CACNA1D: variants seen among roughly 807,000 people sequenced by gnomAD.
CACNA1D encodes the protein voltage-dependent L-type calcium channel subunit alpha-1D.
In CACNA1D, 55 loss-of-function variants were observed where a neutral mutation model predicts 257.1. The ratio of observed to expected loss-of-function variants is 0.21; its 90% CI spans 0.17 to 0.27. The LOEUF (loss-of-function observed/expected upper bound fraction) is 0.27. Ranked by LOEUF, CACNA1D falls within the 10% of genes least tolerant of loss-of-function variation. CACNA1D has a pLI of 1.00. For synonymous variants in CACNA1D, 980 were observed against 1,014.9 expected (o/e 0.97, Z 0.65); for missense variants, 1,876 against 2,784.0 (o/e 0.67, Z 7.34).
intron 3 of CACNA1D, among the ~76,000 whole-genome samples, chr3:53,617,138 C>T (rs1378907046): frequency 6.6e-6 from 1 of 152,284 alleles, no homozygotes; most frequent in East Asian, 1.9e-4. Flanking sequence ...GCAGGACCAA[C>T]CATTCATAGC....
At chr3:53,574,221 TCA>T (rs796645919) in intron 3 of CACNA1D, among the ~76,000 whole-genome samples, 37 of 152,296 alleles carry the variant, frequency 2.4e-4, no homozygotes, top group African/African-American at 8.9e-4. Context: ...ACACACCTGC[TCA>T]CACAGGCACC....
intron 30 of CACNA1D, among the ~76,000 whole-genome samples, chr3:53,764,558 C>G (rs1195071324): frequency 6.6e-6 from 1 of 152,226 alleles, no homozygotes; most frequent in Non-Finnish European, 1.5e-5. Flanking sequence ...ACCCAGCTTT[C>G]TCACGCCTGA....
intron 2 of CACNA1D, 118 bp downstream of exon 2, chr3:53,497,579 T>G (rs948513673): frequency 9.4e-7 from 1 of 1,059,802 alleles, no homozygotes; most frequent in African/African-American, 1.6e-5. Context: ...GTAACAGAAG[T>G]TGTATATAAG....
chr3:53,531,789 A>T (rs543200521), intron 3 of CACNA1D, among the ~76,000 whole-genome samples: 2 of 152,256 alleles, frequency 1.3e-5, no homozygotes, highest in South Asian at 4.1e-4. Context: ...AGAGTCAGAC[A>T]TGCCCATGAC....
chr3:53,782,399 C>T (rs2095431113), intron 39 of CACNA1D: 1 of 151,604 alleles, frequency 6.6e-6, no homozygotes, highest in Non-Finnish European at 1.5e-5. Context: ...GATCTGTTCA[C>T]CCAGTGCCAC....
chr3:53,798,414 G>A (rs1261481733), intron 40 of CACNA1D, among the ~76,000 whole-genome samples: 3 of 152,178 alleles, frequency 2.0e-5, no homozygotes, highest in African/African-American at 4.8e-5. Context: ...CATGCATCCT[G>A]AGCCTGTGAT....
chr3:53,508,449 T>C (rs958925386), intron 3 of CACNA1D, among the ~76,000 whole-genome samples: 20 of 152,150 alleles, frequency 1.3e-4, no homozygotes, highest in Admixed American at 1.2e-3. Context: ...TACCCAATAG[T>C]TATCTTTTCT....
intron 8 of CACNA1D, among the ~76,000 whole-genome samples, chr3:53,697,710 T>G (rs2094584954): frequency 6.6e-6 from 1 of 152,240 alleles, no homozygotes; most frequent in African/African-American, 2.4e-5. Context: ...ATAAGACATG[T>G]GGACTGATTT....
At chr3:53,574,209 G>A (rs905763748) in intron 3 of CACNA1D, among the ~76,000 whole-genome samples, 1 of 152,144 alleles carries the variant, frequency 6.6e-6, no homozygotes, top group African/African-American at 2.4e-5. Flanking sequence ...CTTCTGCCGT[G>A]CACACACCTG....
intron 3 of CACNA1D, among the ~76,000 whole-genome samples, chr3:53,554,100 G>T (rs1383416756): frequency 6.6e-6 from 1 of 151,894 alleles, no homozygotes; most frequent in African/African-American, 2.4e-5. Context: ...GGAGGCTGAG[G>T]GAGGAGAATG....
At chr3:53,636,893 T>C (rs533509460) in intron 3 of CACNA1D, among the ~76,000 whole-genome samples, 5 of 152,258 alleles carry the variant, frequency 3.3e-5, no homozygotes, top group African/African-American at 9.6e-5. Flanking sequence ...AGAAACAGTT[T>C]CATTCAACGG....
chr3:53,775,834 T>C lies in CACNA1D; in HGVS notation c.4203-52T>C, dbSNP rs2095394191. The C allele has an allele frequency of 3.8e-6, 6 of 1,581,442 alleles. No individual in the cohort carries two copies. The East Asian group carries it at 1.1e-4, about 29-fold the overall frequency. ...GTTTTTCTCCCCTAAGATCTAAGCT[T>C]CAAATTCCTTCTTTCCCCCACTAAA... On this transcript the variant is annotated intron_variant, in intron 34 of 47. Coordinates refer to ENST00000350061, the MANE Select transcript of CACNA1D (RefSeq NM_001128840.3).
intron 8 of CACNA1D, among the ~76,000 whole-genome samples, chr3:53,683,879 A>G (rs757363087): frequency 4.6e-5 from 7 of 152,214 alleles, no homozygotes; most frequent in Admixed American, 6.5e-5. Flanking sequence ...TAAGATAAAT[A>G]AAGCTGAACA....
intron 3 of CACNA1D, among the ~76,000 whole-genome samples, chr3:53,563,153 C>T (rs182511139): frequency 1.7e-3 from 260 of 152,294 alleles, no homozygotes; most frequent in African/African-American, 6.1e-3. Flanking sequence ...GTCTATAACT[C>T]ACCACACCTT....
intron 4 of CACNA1D, among the ~76,000 whole-genome samples, chr3:53,658,529 G>T (rs556749661): frequency 5.3e-5 from 8 of 152,308 alleles, no homozygotes; most frequent in Non-Finnish European, 1.2e-4. Flanking sequence ...TGCAAAACAT[G>T]GATACTTGAA....
intron 3 of CACNA1D, among the ~76,000 whole-genome samples, chr3:53,648,557 T>A (rs1170446865): frequency 6.6e-6 from 1 of 152,036 alleles, no homozygotes; most frequent in Non-Finnish European, 1.5e-5. Flanking sequence ...CTCGCATGCC[T>A]CCCGAGCAAG....
chr3:53,624,691 A>G (rs567309383), intron 3 of CACNA1D, among the ~76,000 whole-genome samples: 53 of 152,336 alleles, frequency 3.5e-4, no homozygotes, highest in African/African-American at 1.3e-3. Context: ...AATTCTGTTT[A>G]TATGACGCAC....
rs750265572 is a variant in CACNA1D, at chr3:53,718,677, A to C, written c.1478+289A>C. The C allele has an allele frequency of 9.1e-6, 14 of 1,538,716 alleles. No individual in the cohort carries two copies. Among genetic ancestry groups the C allele is most frequent in the Non-Finnish European group, 1.2e-5 (14 of 1,142,636 alleles). ...GTTAACCTGGCCACCTGCTGTGTCC[A>C]TTAGGTGCTGGTGGAGACGGAGAGG... On this transcript the variant is annotated intron_variant, in intron 10 of 47. Transcript: ENST00000350061.
chr3:53,686,374 C>T (rs1282855479), intron 8 of CACNA1D, among the ~76,000 whole-genome samples: 1 of 151,974 alleles, frequency 6.6e-6, no homozygotes, highest in African/African-American at 2.4e-5. Context: ...GCCAAAATCT[C>T]AATACCAAAA....
Sources: gnomAD v4.1 joint callset for allele counts (sites outside exome capture counted in the v4.1 genomes callset) on GRCh38, gnomAD v4.1.1 for gene constraint, MANE v1.5 for transcripts, NCBI Gene and HGNC (gene_info 2026-07-23, HGNC 2026-07-21) for gene names.